The following TEK variants were observed in gnomAD, a reference collection of about 807,000 sequenced individuals.
TEK encodes TEK receptor tyrosine kinase.
TEK carries 43 observed loss-of-function variants against 131.8 expected under a neutral mutation model. The ratio of observed to expected loss-of-function variants is 0.33; its 90% CI spans 0.26 to 0.42. TEK has a LOEUF of 0.42. Ranked by LOEUF, TEK falls within the 10% of genes least tolerant of loss-of-function variation. The pLI, the probability that TEK is intolerant of heterozygous loss-of-function variation, is 1.00. For missense variants in TEK, 1,162 were observed against 1,384.4 expected, an observed-to-expected ratio of 0.84 and a Z score of 2.55; for synonymous variants, 580 against 491.6, an observed-to-expected ratio of 1.18 and a Z score of -2.38.
chr9:27,209,849 T>A (rs1473352436), intron 16 of TEK, among the ~76,000 whole-genome samples: 1 of 152,238 alleles, frequency 6.6e-6, no homozygotes, highest in Non-Finnish European at 1.5e-5. Context: ...TCTACTGTAA[T>A]GCATGTAATT....
At chr9:27,140,090 G>T (rs577140285) in intron 1 of TEK, among the ~76,000 whole-genome samples, 1 of 152,176 alleles carries the variant, frequency 6.6e-6, no homozygotes, top group Non-Finnish European at 1.5e-5. Flanking sequence ...TTAATCGGTT[G>T]GTCCAGGTTG....
intron 1 of TEK, among the ~76,000 whole-genome samples, chr9:27,134,757 C>G (rs12335687): frequency 6.6e-6 from 1 of 151,992 alleles, no homozygotes; most frequent in Non-Finnish European, 1.5e-5. Flanking sequence ...TTTCATGATC[C>G]CCTACTAGAA....
chr9:27,160,147 C>G (rs925432077), intron 2 of TEK, among the ~76,000 whole-genome samples: 31 of 151,250 alleles, frequency 2.0e-4, no homozygotes, highest in Non-Finnish European at 4.3e-4. Flanking sequence ...CTCAGCCTCC[C>G]AAGTAGCTGG....
Position 27,197,541 on chromosome 9 carries a change from C to G in TEK, c.1851C>G (p.Val617=). The change falls in exon 12 of 23, where the codon GTC becomes GTG. Residue 617 remains valine (V), a synonymous_variant. Transcript: ENST00000380036. ...PREQYVVRAR[V]NTKAQGEWSE... ...AGCAGTACGTGGTCCGAGCTAGAGT[C>G]AACACCAAGGCCCAGGGGGAATGGA... 6.2e-7 allele frequency: 1 copy of G among 1,614,066 alleles called. No homozygotes were observed. Among genetic ancestry groups the G allele is most frequent in the Non-Finnish European group, 8.5e-7 (1 of 1,179,996 alleles).
At chr9:27,182,660 A>T (rs1322074321) in intron 7 of TEK, among the ~76,000 whole-genome samples, 2 of 152,160 alleles carry the variant, frequency 1.3e-5, no homozygotes, top group Admixed American at 6.6e-5. Flanking sequence ...CAATTTTCAA[A>T]CATGTCTCAC....
chr9:27,153,990 C>T lies in TEK; in HGVS notation c.53-3841C>T, dbSNP rs558292349. Among the ~76,000 whole-genome samples the T allele has an allele frequency of 4.1e-4, 63 of 152,140 alleles. 1 individual carries two copies. The highest frequency in any genetic ancestry group is 4.1e-3 in the Admixed American group (62 of 15,292). ...GCATTGTGAGATAACATCACATTTCCTATTATTAGTTCAAAGAAGAGAGAA... is the reference window on the plus strand; with the variant it reads ...GCATTGTGAGATAACATCACATTTCTTATTATTAGTTCAAAGAAGAGAGAA... On this transcript the variant is annotated intron_variant, in intron 1 of 22. Coordinates refer to ENST00000380036, the MANE Select transcript of TEK (RefSeq NM_000459.5).
chr9:27,148,432 T>C (rs151166029), intron 1 of TEK, among the ~76,000 whole-genome samples: 168 of 152,354 alleles, frequency 1.1e-3, no homozygotes, highest in African/African-American at 3.9e-3. Context: ...TATGCTTCTG[T>C]ATGTCATCTG....
chr9:27,115,359 C>T (rs868743866), intron 1 of TEK, among the ~76,000 whole-genome samples: 1 of 151,978 alleles, frequency 6.6e-6, no homozygotes, highest in Non-Finnish European at 1.5e-5. Flanking sequence ...ATTAGCCTGG[C>T]ATGGTGGCAC....
chr9:27,126,646 C>G (rs890253839), intron 1 of TEK, among the ~76,000 whole-genome samples: 24 of 152,162 alleles, frequency 1.6e-4, no homozygotes, highest in African/African-American at 5.6e-4. Context: ...TAGCACAGAC[C>G]AGAGAGAAAC....
rs530292560 is a variant in TEK, at chr9:27,227,323, A to T, written c.3201-883A>T. Among the ~76,000 whole-genome samples, 62 of 152,326 alleles carry T rather than the reference A, an allele frequency of 4.1e-4. No homozygotes were observed. The South Asian group carries it at 0.013, about 31-fold the overall frequency. On this transcript the variant is annotated intron_variant, in intron 21 of 22. Coordinates refer to ENST00000380036, the MANE Select transcript of TEK (RefSeq NM_000459.5). ...GCACTGTCTTAGGTCAGTGTTTCCC[A>T]AACTATGTTTTCACGTGTTGTGCAA...
At chr9:27,138,938 G>A (rs897009214) in intron 1 of TEK, among the ~76,000 whole-genome samples, 6 of 152,126 alleles carry the variant, frequency 3.9e-5, no homozygotes, top group South Asian at 2.1e-4. Context: ...AGATGGGCAC[G>A]GTGGCTCAAG....
At chr9:27,136,145 G>C (rs1822425448) in intron 1 of TEK, among the ~76,000 whole-genome samples, 1 of 149,054 alleles carries the variant, frequency 6.7e-6, no homozygotes, top group South Asian at 2.1e-4. Flanking sequence ...GCAGTGGCAC[G>C]ATCTTGGCTC....
intron 6 of TEK, among the ~76,000 whole-genome samples, chr9:27,176,996 G>A (rs749922818): frequency 6.6e-5 from 10 of 152,130 alleles, no homozygotes; most frequent in Non-Finnish European, 1.0e-4. Flanking sequence ...AGGTTCATCC[G>A]TGTTGTTGCA....
chr9:27,146,744 G>C (rs933292710), intron 1 of TEK, among the ~76,000 whole-genome samples: 13 of 131,614 alleles, frequency 9.9e-5, no homozygotes, highest in South Asian at 9.1e-4. Context: ...TTTTTTTGGC[G>C]GGGGGGACGG....
intron 2 of TEK, among the ~76,000 whole-genome samples, chr9:27,163,401 A>T (rs1245944817): frequency 6.6e-6 from 1 of 152,168 alleles, no homozygotes; most frequent in Admixed American, 6.5e-5. Context: ...GAGGGCATCT[A>T]ACCTGTGTTC....
chr9:27,174,074 G>T (rs1824074382), intron 6 of TEK, among the ~76,000 whole-genome samples: 1 of 152,114 alleles, frequency 6.6e-6, no homozygotes, highest in Non-Finnish European at 1.5e-5. Context: ...TCTGCCCTTT[G>T]TAAAATAAGC....
At chr9:27,222,285 C>T (rs781265404) in intron 21 of TEK, among the ~76,000 whole-genome samples, 1 of 152,136 alleles carries the variant, frequency 6.6e-6, no homozygotes, top group Non-Finnish European at 1.5e-5. Context: ...TTGGAAAACC[C>T]TCTTCAGGAT....
intron 19 of TEK, among the ~76,000 whole-genome samples, chr9:27,218,217 T>C (rs1825900638): frequency 6.7e-6 from 1 of 148,904 alleles, no homozygotes; most frequent in Non-Finnish European, 1.5e-5. Flanking sequence ...TTAGGTCATC[T>C]TGCCTTGTAC....
At chr9:27,178,475 C>T (rs572726) in intron 6 of TEK, among the ~76,000 whole-genome samples, 92,097 of 151,650 alleles carry the variant, frequency 0.61, 28,574 homozygotes, top group African/African-American at 0.73. Flanking sequence ...ATTTTAGTAT[C>T]GTTTTTTCTA....
Sources: allele counts gnomAD v4.1 joint callset (sites outside exome capture counted in the v4.1 genomes callset), GRCh38; gene constraint gnomAD v4.1.1; transcripts MANE v1.5; gene names NCBI Gene and HGNC (gene_info 2026-07-23, HGNC 2026-07-21).